The following TMA16 variants were observed in gnomAD, a reference collection of about 807,000 sequenced individuals.
The protein encoded by TMA16 is translation machinery-associated protein 16.
TMA16 carries 26 observed loss-of-function variants against 27.1 expected under a neutral mutation model. The ratio of observed to expected loss-of-function variants is 0.96; its 90% CI spans 0.70 to 1.33. TMA16 has a LOEUF of 1.33. Ranked by LOEUF, TMA16 falls within the 40% of genes most tolerant of loss-of-function variation. The pLI, the probability that TMA16 is intolerant of heterozygous loss-of-function variation, is 0.00. For missense variants in TMA16, 233 were observed against 241.4 expected, an observed-to-expected ratio of 0.97 and a Z score of 0.23; for synonymous variants, 71 against 81.9, an observed-to-expected ratio of 0.87 and a Z score of 0.72.
chr4:163,499,109 T>C (rs1362843230), intron 1 of TMA16, among the ~76,000 whole-genome samples: 1 of 152,224 alleles, frequency 6.6e-6, no homozygotes, highest in Non-Finnish European at 1.5e-5. Context: ...TTCTATTTCA[T>C]TGAAGTTTTT....
chr4:163,499,629 G>A (rs191422573), intron 1 of TMA16, among the ~76,000 whole-genome samples: 16 of 152,132 alleles, frequency 1.1e-4, no homozygotes, highest in Non-Finnish European at 1.8e-4. Flanking sequence ...TTTGCGTGTA[G>A]CCTGTGCATA....
intron 1 of TMA16, among the ~76,000 whole-genome samples, chr4:163,500,341 G>A (rs1260198597): frequency 6.6e-6 from 1 of 151,254 alleles, no homozygotes; most frequent in Non-Finnish European, 1.5e-5. Flanking sequence ...CTCCCAAATA[G>A]CTGGGATTAT....
At chr4:163,503,013 A>G (rs1737670239) in intron 1 of TMA16, among the ~76,000 whole-genome samples, 1 of 152,218 alleles carries the variant, frequency 6.6e-6, no homozygotes, top group Admixed American at 6.5e-5. Flanking sequence ...ATGTTTAGAT[A>G]CACAAATACT....
chr4:163,505,615 G>T (rs1452434316), intron 1 of TMA16, among the ~76,000 whole-genome samples: 1 of 152,206 alleles, frequency 6.6e-6, no homozygotes, highest in Non-Finnish European at 1.5e-5. Context: ...TTCTGGAATG[G>T]TGAGAAGTTC....
chr4:163,503,467 CT>C (rs762180998), intron 1 of TMA16, among the ~76,000 whole-genome samples: 25 of 152,124 alleles, frequency 1.6e-4, no homozygotes, highest in Non-Finnish European at 3.7e-4. Flanking sequence ...ACTTGATGGT[CT>C]TTTAGGCAAA....
chr4:163,497,475 GA>G (rs1325897329), intron 1 of TMA16, among the ~76,000 whole-genome samples: 1 of 152,198 alleles, frequency 6.6e-6, no homozygotes, highest in Non-Finnish European at 1.5e-5. Flanking sequence ...CTGGAGGTCA[GA>G]AGTTCAAAAA....
chr4:163,497,145 A>G (rs988837136), intron 1 of TMA16, among the ~76,000 whole-genome samples: 2 of 152,322 alleles, frequency 1.3e-5, no homozygotes, highest in African/African-American at 4.8e-5. Flanking sequence ...ATTAGCTGTT[A>G]CTGACTACCT....
At chr4:163,510,207 G>C (rs1321858877) in intron 2 of TMA16, among the ~76,000 whole-genome samples, 1 of 152,102 alleles carries the variant, frequency 6.6e-6, no homozygotes, top group East Asian at 1.9e-4. Context: ...TTTATGAAGT[G>C]TTCTTTGTTT....
Position 163,517,316 on chromosome 4 carries a change from A to C in TMA16, c.389-118A>C, listed in dbSNP as rs1024675218. 23 of 956,100 alleles carry C rather than the reference A, an allele frequency of 2.4e-5. No individual in the cohort carries two copies. The Middle Eastern group carries it at 6.8e-4, about 28-fold the overall frequency. 59.2% of individuals were successfully genotyped at this position (956,100 alleles called of 1,614,324 possible). Reference sequence around the variant, plus strand: ...CAAATTTTTCATGTTAATTACAGCAATACTTCGAAATTTTGTTTTCTGTTG... The same window carrying C: ...CAAATTTTTCATGTTAATTACAGCACTACTTCGAAATTTTGTTTTCTGTTG... On this transcript the variant is annotated intron_variant, in intron 5 of 6. Coordinates refer to ENST00000358572, the MANE Select transcript of TMA16 (RefSeq NM_018352.3).
At chr4:163,511,066 G>C (rs72989840) in intron 2 of TMA16, among the ~76,000 whole-genome samples, 4,910 of 152,256 alleles carry the variant, frequency 0.032, 208 homozygotes, top group African/African-American at 0.099. Flanking sequence ...GTTTGCTTAA[G>C]TATATGAGAA....
rs967908406 is a variant in TMA16 at position 163,513,149 on chromosome 4, C to T, written c.154+290C>T. ...CTATCTGATGTTTAACTCTACCTCCCTAACCATTAGAATTATGAAGGATTA... is the reference window on the plus strand; with the variant it reads ...CTATCTGATGTTTAACTCTACCTCCTTAACCATTAGAATTATGAAGGATTA... On this transcript the variant is annotated intron_variant, in intron 3 of 6. Coordinates refer to ENST00000358572, the MANE Select transcript of TMA16 (RefSeq NM_018352.3). Among the ~76,000 whole-genome samples, 3 of 152,188 alleles carry T rather than the reference C, an allele frequency of 2.0e-5. No individual in the cohort carries two copies. The East Asian group carries it at 5.8e-4, about 29-fold the overall frequency.
chr4:163,505,030 C>T (rs1032741928), intron 1 of TMA16, among the ~76,000 whole-genome samples: 4 of 152,174 alleles, frequency 2.6e-5, no homozygotes, highest in Non-Finnish European at 5.9e-5. Context: ...AACCTAATCT[C>T]AGAATTGGCA....
In TMA16 at chr4:163,514,112, CA is replaced by C. The variant is rs768974165; in HGVS notation, c.200del (p.Lys67ArgfsTer11). 1.9e-6 allele frequency: 3 copies of C among 1,608,742 alleles called. No homozygotes were observed. Among genetic ancestry groups the C allele is most frequent in the Non-Finnish European group, 2.5e-6 (3 of 1,177,642 alleles). On this transcript the variant is annotated frameshift_variant, in exon 4 of 7. Coordinates refer to ENST00000358572, the MANE Select transcript of TMA16 (RefSeq NM_018352.3). LOFTEE classifies it high-confidence loss of function. ...LQWFQNHLDP[Q>X]KKRYSKKDAC... ...ATGGTTTCAAAATCATCTTGATCCC[CA>C]AAAAAAGAGATATTCAAAGAAAGAT...
In TMA16 at chr4:163,519,621, T is replaced by C; in HGVS notation, c.*107T>C. On this transcript the variant is annotated 3_prime_UTR_variant, in exon 7 of 7. Transcript: ENST00000358572. ...CAAAAATTTGATACTGACATTCTCT[T>C]ATATGATGAGAGTTTCATTTGCGTT... 9.3e-7 allele frequency: 1 copy of C among 1,075,968 alleles called. No individual in the cohort carries two copies. The highest frequency in any genetic ancestry group is 1.3e-6 in the Non-Finnish European group (1 of 770,098). The allele number at this position is 1,075,968 out of a possible 1,614,324, so 66.7% of individuals were successfully genotyped here.
chr4:163,518,284 C>T (rs1737915546), intron 6 of TMA16, among the ~76,000 whole-genome samples: 1 of 152,070 alleles, frequency 6.6e-6, no homozygotes, highest in Non-Finnish European at 1.5e-5. Context: ...TGTAAAAATC[C>T]TAGAAGAAAA....
intron 1 of TMA16, among the ~76,000 whole-genome samples, chr4:163,495,708 T>C (rs1413681856): frequency 6.6e-6 from 1 of 152,204 alleles, no homozygotes; most frequent in Non-Finnish European, 1.5e-5. Flanking sequence ...GTGTCCACAA[T>C]GTGGCCTCTT....
chr4:163,519,628 T>G lies in TMA16; in HGVS notation c.*114T>G. ...TTGATACTGACATTCTCTTATATGA[T>G]GAGAGTTTCATTTGCGTTTCAAAAA... On this transcript the variant is annotated 3_prime_UTR_variant, in exon 7 of 7. Transcript: ENST00000358572. 1 of 1,033,658 alleles carries G rather than the reference T, an allele frequency of 9.7e-7. No homozygotes were observed. The highest frequency in any genetic ancestry group is 1.4e-6 in the Non-Finnish European group (1 of 734,928). 64.0% of individuals were successfully genotyped at this position (1,033,658 alleles called of 1,614,324 possible).
At chr4:163,503,089 GGAGCAATAGGCTATGCCATAGAGCCTGT>G (rs1328345578) in intron 1 of TMA16, among the ~76,000 whole-genome samples, 1 of 152,142 alleles carries the variant, frequency 6.6e-6, no homozygotes, top group Non-Finnish European at 1.5e-5. Flanking sequence ...TTAAAGCCTA[GGAGCAATAGGCTATGCCATAGAGCCTGT>G]GTGTATAGTA....
intron 2 of TMA16, 126 bp downstream of exon 2, chr4:163,507,271 A>G: frequency 1.2e-6 from 1 of 835,172 alleles, no homozygotes. Flanking sequence ...TGTGTTCTGT[A>G]TGCAGAGGGT....
Sources: gnomAD v4.1 joint callset for allele counts (sites outside exome capture counted in the v4.1 genomes callset) on GRCh38, gnomAD v4.1.1 for gene constraint, MANE v1.5 for transcripts, NCBI Gene and HGNC (gene_info 2026-07-23, HGNC 2026-07-21) for gene names.